PCDH9: variants seen among roughly 807,000 people sequenced by gnomAD.
PCDH9 encodes the protein protocadherin 9.
In PCDH9, 24 loss-of-function variants were observed where a neutral mutation model predicts 70.6. That is an observed-to-expected ratio of 0.34 (90% CI 0.25 to 0.48). The LOEUF (loss-of-function observed/expected upper bound fraction) is 0.48, where lower values mean the gene tolerates loss of function less well. PCDH9 is among the 20% of genes least tolerant of loss of function. PCDH9 has a pLI of 0.99. For synonymous variants in PCDH9, 562 were observed against 558.5 expected (o/e 1.01, Z -0.09); for missense variants, 1,281 against 1,503.6 (o/e 0.85, Z 2.45).
chr13:67,199,302 A>G (rs1488275263), intron 2 of PCDH9, among the ~76,000 whole-genome samples: 4 of 151,750 alleles, frequency 2.6e-5, no homozygotes, highest in Non-Finnish European at 5.9e-5. Context: ...AAGATAAACT[A>G]AATTAGTTTT....
At chr13:66,764,921 T>A (rs1038703787) in intron 3 of PCDH9, among the ~76,000 whole-genome samples, 1 of 151,642 alleles carries the variant, frequency 6.6e-6, no homozygotes, top group African/African-American at 2.4e-5. Flanking sequence ...TAGAAAAAAA[T>A]TCAAAACCAT....
At chr13:67,030,374 C>T (rs2084879457) in intron 2 of PCDH9, among the ~76,000 whole-genome samples, 1 of 151,992 alleles carries the variant, frequency 6.6e-6, no homozygotes. Flanking sequence ...CTCTGTCCTG[C>T]TCTTCATCAA....
chr13:66,326,800 A>C (rs1036408464), intron 4 of PCDH9, among the ~76,000 whole-genome samples: 1 of 151,918 alleles, frequency 6.6e-6, no homozygotes, highest in African/African-American at 2.4e-5. Context: ...CCAATTTTTA[A>C]GCTTTTTACA....
At chr13:66,811,829 T>C (rs960256794) in intron 3 of PCDH9, among the ~76,000 whole-genome samples, 1 of 151,966 alleles carries the variant, frequency 6.6e-6, no homozygotes, top group Non-Finnish European at 1.5e-5. Context: ...TTCCTTTCTT[T>C]CTTTTCCTTG....
At chr13:66,504,713 G>A (rs1959194843) in intron 4 of PCDH9, among the ~76,000 whole-genome samples, 1 of 152,182 alleles carries the variant, frequency 6.6e-6, no homozygotes. Flanking sequence ...GTAAATACAT[G>A]TGGGAATGGT....
chr13:66,986,358 T>A (rs1290516057), intron 2 of PCDH9, among the ~76,000 whole-genome samples: 1 of 151,974 alleles, frequency 6.6e-6, no homozygotes, highest in Non-Finnish European at 1.5e-5. Flanking sequence ...GCAAACCATA[T>A]CATAAAGTCT....
chr13:66,361,574 A>G (rs1363913667), intron 4 of PCDH9, among the ~76,000 whole-genome samples: 1 of 152,064 alleles, frequency 6.6e-6, no homozygotes, highest in Non-Finnish European at 1.5e-5. Flanking sequence ...TCAGAAAATT[A>G]AGGCAAAAAT....
At chr13:66,860,558 G>A (rs1267146501) in intron 3 of PCDH9, among the ~76,000 whole-genome samples, 2 of 152,182 alleles carry the variant, frequency 1.3e-5, no homozygotes, top group East Asian at 3.8e-4. Flanking sequence ...AGAGAGAAAA[G>A]CCTCACTTTA....
At chr13:66,433,450 T>C (rs966786672) in intron 4 of PCDH9, among the ~76,000 whole-genome samples, 2 of 151,808 alleles carry the variant, frequency 1.3e-5, no homozygotes, top group Non-Finnish European at 3.0e-5. Context: ...TCCTTTTTTT[T>C]CAAGCTATTT....
chr13:67,121,028 C>T (rs1407922050), intron 2 of PCDH9, among the ~76,000 whole-genome samples: 1 of 152,042 alleles, frequency 6.6e-6, no homozygotes, highest in African/African-American at 2.4e-5. Context: ...TACTAACGTC[C>T]TACTGTATGC....
chr13:66,881,620 T>C (rs2081923036), intron 3 of PCDH9, among the ~76,000 whole-genome samples: 1 of 152,200 alleles, frequency 6.6e-6, no homozygotes, highest in Admixed American at 6.5e-5. Flanking sequence ...TTCTGAAGCA[T>C]ATTACTTGAA....
chr13:66,544,158 C>T (rs1403285996), intron 4 of PCDH9, among the ~76,000 whole-genome samples: 1 of 152,184 alleles, frequency 6.6e-6, no homozygotes, highest in Non-Finnish European at 1.5e-5. Context: ...GCTCCCATGA[C>T]TACAGGGACT....
At chr13:66,715,214 T>C (rs1173066413) in intron 3 of PCDH9, among the ~76,000 whole-genome samples, 5 of 152,192 alleles carry the variant, frequency 3.3e-5, no homozygotes, top group Admixed American at 3.3e-4. Flanking sequence ...GTAATATTTA[T>C]ACGGCCACAA....
At chr13:67,135,585 A>G (rs1189070897) in intron 2 of PCDH9, among the ~76,000 whole-genome samples, 1 of 152,150 alleles carries the variant, frequency 6.6e-6, no homozygotes, top group Non-Finnish European at 1.5e-5. Context: ...CGGTAAGAAC[A>G]TTGGTGGGCA....
intron 2 of PCDH9, among the ~76,000 whole-genome samples, chr13:67,095,890 A>T (rs940971904): frequency 1.8e-4 from 27 of 152,304 alleles, no homozygotes; most frequent in Admixed American, 1.6e-3. Flanking sequence ...AAACAATTAA[A>T]TAGAAACTAA....
At chr13:66,950,536 C>T (rs893620529) in intron 2 of PCDH9, among the ~76,000 whole-genome samples, 5 of 151,430 alleles carry the variant, frequency 3.3e-5, no homozygotes, top group African/African-American at 9.7e-5. Context: ...AAGATGTTAG[C>T]TTTTGTTCTG....
intron 3 of PCDH9, among the ~76,000 whole-genome samples, chr13:66,883,660 T>G (rs550779618): frequency 9.2e-5 from 14 of 152,168 alleles, no homozygotes; most frequent in Non-Finnish European, 1.9e-4. Context: ...AAAAAAGGCC[T>G]TCAAGAAAGA....
At chr13:66,775,468 T>C (rs1211353920) in intron 3 of PCDH9, among the ~76,000 whole-genome samples, 1 of 152,164 alleles carries the variant, frequency 6.6e-6, no homozygotes, top group Non-Finnish European at 1.5e-5. Flanking sequence ...TTGAACTGCG[T>C]GGATCCACTT....
At chr13:66,957,503 T>C (rs936738226) in intron 2 of PCDH9, among the ~76,000 whole-genome samples, 2 of 152,162 alleles carry the variant, frequency 1.3e-5, no homozygotes, top group Non-Finnish European at 2.9e-5. Flanking sequence ...GTCAGCAATG[T>C]TAAATATTTT....
Sources: gnomAD v4.1 joint callset for allele counts (sites outside exome capture counted in the v4.1 genomes callset) on GRCh38, gnomAD v4.1.1 for gene constraint, MANE v1.5 for transcripts, NCBI Gene and HGNC (gene_info 2026-07-23, HGNC 2026-07-21) for gene names.